CERS3: variants seen among roughly 807,000 people sequenced by gnomAD.
The protein encoded by CERS3 is LAG1 homolog, ceramide synthase 3.
In CERS3, 33 loss-of-function variants were observed where a neutral mutation model predicts 50.3. The ratio of observed to expected loss-of-function variants is 0.66; its 90% CI spans 0.50 to 0.88. CERS3 has a LOEUF of 0.88. Among genes scored for constraint, CERS3 ranks in the 40% least tolerant of loss-of-function variants. CERS3 has a pLI of 0.00. For missense variants in CERS3, 470 were observed against 460.3 expected, an observed-to-expected ratio of 1.02 and a Z score of -0.19; for synonymous variants, 176 against 155.2, an observed-to-expected ratio of 1.13 and a Z score of -0.99.
At chr15:100,540,568 C>T (rs921126134) in intron 1 of CERS3, among the ~76,000 whole-genome samples, 1 of 152,148 alleles carries the variant, frequency 6.6e-6, no homozygotes, top group Non-Finnish European at 1.5e-5. Flanking sequence ...TAACCTTTCT[C>T]TTCCTAAACT....
intron 11 of CERS3, among the ~76,000 whole-genome samples, chr15:100,441,742 C>A (rs533993663): frequency 1.3e-5 from 2 of 152,086 alleles, no homozygotes; most frequent in East Asian, 1.9e-4. Context: ...TAATTCTTTT[C>A]GTAAAATAGG....
chr15:100,495,013 A>G (rs2035767827), intron 3 of CERS3, among the ~76,000 whole-genome samples: 1 of 152,232 alleles, frequency 6.6e-6, no homozygotes, highest in African/African-American at 2.4e-5. Flanking sequence ...AAGTTAATCA[A>G]GTGCCTCTAA....
At chr15:100,450,416 CAAAAAAAAAAAA>C (rs34873483) in intron 11 of CERS3, among the ~76,000 whole-genome samples, 1 of 63,428 alleles carries the variant, frequency 1.6e-5, no homozygotes, top group Non-Finnish European at 2.8e-5. Context: ...GACTCTGTCT[CAAAAAAAAAAAA>C]AAAAAAAAAA....
chr15:100,439,160 A>G (rs1057126308), intron 11 of CERS3, among the ~76,000 whole-genome samples: 1 of 152,232 alleles, frequency 6.6e-6, no homozygotes, highest in Non-Finnish European at 1.5e-5. Context: ...TTTTGAAATT[A>G]TAGTGATATT....
At chr15:100,421,984 G>A (rs2142092509) in intron 11 of CERS3, among the ~76,000 whole-genome samples, 1 of 93,454 alleles carries the variant, frequency 1.1e-5, no homozygotes, top group East Asian at 2.8e-4. Flanking sequence ...AAAAACCCTA[G>A]AAGAAAACCT....
At chr15:100,468,374 G>T (rs1421391895) in intron 10 of CERS3, among the ~76,000 whole-genome samples, 2 of 152,166 alleles carry the variant, frequency 1.3e-5, no homozygotes, top group Admixed American at 6.5e-5. Context: ...ACTCTCACAT[G>T]TAGCAACTTA....
intron 11 of CERS3, among the ~76,000 whole-genome samples, chr15:100,413,862 C>T (rs987162190): frequency 1.9e-5 from 2 of 105,886 alleles, no homozygotes; most frequent in South Asian, 2.9e-4. Flanking sequence ...TTCCTGGAAA[C>T]ATATAACCTC....
intron 2 of CERS3, among the ~76,000 whole-genome samples, chr15:100,510,377 C>A (rs1247591297): frequency 6.6e-6 from 1 of 151,884 alleles, no homozygotes; most frequent in Non-Finnish European, 1.5e-5. Context: ...TTCTCCTATA[C>A]AAAATTTAAC....
chr15:100,443,102 C>T (rs549015472), intron 11 of CERS3, among the ~76,000 whole-genome samples: 419 of 151,702 alleles, frequency 2.8e-3, no homozygotes, highest in Middle Eastern at 0.01. Flanking sequence ...TCCTGGGCTA[C>T]AGCCACACCT....
chr15:100,475,431 G>A (rs1287977480), intron 8 of CERS3, among the ~76,000 whole-genome samples: 1 of 152,178 alleles, frequency 6.6e-6, no homozygotes, highest in African/African-American at 2.4e-5. Context: ...TATATGCCAA[G>A]AGAATTTATC....
intron 1 of CERS3, among the ~76,000 whole-genome samples, chr15:100,527,345 A>C (rs2036823939): frequency 6.6e-6 from 1 of 152,202 alleles, no homozygotes; most frequent in Non-Finnish European, 1.5e-5. Context: ...CATAGTTAGT[A>C]AGCAGGATGC....
chr15:100,507,807 G>A (rs2036227223), intron 2 of CERS3, among the ~76,000 whole-genome samples: 1 of 152,252 alleles, frequency 6.6e-6, no homozygotes, highest in African/African-American at 2.4e-5. Context: ...TCCAGCAGCA[G>A]CAGCAGATGG....
rs1555528343 is a variant in CERS3, at chr15:100,467,874, G to GAT, written c.845+1502_845+1503dup. On this transcript the variant is annotated intron_variant, in intron 10 of 11. Transcript: ENST00000679737. ...ATATAGATAGATAGATAGATAGATA[G>GAT]ATAGATATAGATATAGATATAGATA... Among the ~76,000 whole-genome samples the GAT allele has an allele frequency of 4.0e-3, 183 of 45,998 alleles. 1 individual carries two copies. The highest frequency in any genetic ancestry group is 8.5e-3 in the African/African-American group (162 of 19,116). 30.2% of individuals were successfully genotyped at this position (45,998 alleles called of 152,430 possible).
chr15:100,503,948 G>A (rs1387332604), intron 2 of CERS3: 2 of 355,692 alleles, frequency 5.6e-6, no homozygotes, highest in African/African-American at 2.1e-5. Context: ...TCAAAGACAT[G>A]TGTGTTGGGA....
chr15:100,516,861 G>A (rs2036503814), intron 2 of CERS3, among the ~76,000 whole-genome samples: 1 of 152,214 alleles, frequency 6.6e-6, no homozygotes, highest in Non-Finnish European at 1.5e-5. Flanking sequence ...CCTCACCTGG[G>A]AGAATGCCCA....
At chr15:100,514,507 C>T (rs1290883439) in intron 2 of CERS3, among the ~76,000 whole-genome samples, 34 of 152,026 alleles carry the variant, frequency 2.2e-4, no homozygotes, top group Admixed American at 2.2e-3. Flanking sequence ...AAACATAAAA[C>T]TGGACACAAT....
Position 100,430,737 on chromosome 15 carries a change from A to G in CERS3, c.999+25156T>C, listed in dbSNP as rs545347157. ...GAAAAAAATACATTCAGTCAGTTCA[A>G]TTTTCTGAACTACTAGCAAAGTACA... On this transcript the variant is annotated intron_variant, in intron 11 of 11. Transcript: ENST00000679737. Among the ~76,000 whole-genome samples the G allele has an allele frequency of 3.9e-5, 6 of 152,070 alleles. No individual in the cohort carries two copies. In the South Asian group the frequency reaches 6.2e-4, roughly 16 times the overall value.
At chr15:100,460,947 C>T (rs2034529276) in intron 10 of CERS3, among the ~76,000 whole-genome samples, 1 of 152,130 alleles carries the variant, frequency 6.6e-6, no homozygotes, top group Non-Finnish European at 1.5e-5. Context: ...TGGGAAGCAT[C>T]ATGGAAAATT....
chr15:100,533,713 A>AC (rs1389051560), upstream of CERS3, among the ~76,000 whole-genome samples: 1 of 148,502 alleles, frequency 6.7e-6, no homozygotes, highest in Admixed American at 6.7e-5. Flanking sequence ...ACGTGTTACC[A>AC]CCCCCAGCTA....
Sources: gnomAD v4.1 joint callset for allele counts (sites outside exome capture counted in the v4.1 genomes callset) on GRCh38, gnomAD v4.1.1 for gene constraint, MANE v1.5 for transcripts, NCBI Gene and HGNC (gene_info 2026-07-23, HGNC 2026-07-21) for gene names.